Variants in LRCH2 observed in about 807,000 individuals in gnomAD.
LRCH2 encodes the protein leucine-rich repeat and calponin homology domain-containing protein 2.
LRCH2 carries 38 observed loss-of-function variants against 68.9 expected under a neutral mutation model. The observed-to-expected ratio is 0.55, with a 90% CI of 0.43 to 0.72. LRCH2 has a LOEUF of 0.72. Ranked by LOEUF, LRCH2 falls within the 30% of genes least tolerant of loss-of-function variation. LRCH2 has a pLI of 0.00. For synonymous variants in LRCH2, 191 were observed against 208.1 expected (o/e 0.92, Z 0.71); for missense variants, 528 against 572.9 (o/e 0.92, Z 0.80).
chrX:115,161,116 G>T (rs1347101086), intron 11 of LRCH2, among the ~76,000 whole-genome samples: 1 of 111,782 alleles, frequency 8.9e-6, no homozygotes, highest in Non-Finnish European at 1.9e-5. Context: ...ACTTTGGAAG[G>T]CCGAGGCGGG....
At chrX:115,228,571 T>G in intron 1 of LRCH2, among the ~76,000 whole-genome samples, 1 of 111,753 alleles carries the variant, frequency 8.9e-6, no homozygotes, top group Non-Finnish European at 1.9e-5. Flanking sequence ...AGTCTTCAAT[T>G]ATCTTTATTT....
Position 115,122,570 on chromosome X carries a change from A to G in LRCH2, c.2135T>C (p.Val712Ala). 1 of 1,210,840 alleles carries G rather than the reference A, an allele frequency of 8.3e-7. No individual in the cohort carries two copies. The highest frequency in any genetic ancestry group is 1.1e-6 in the Non-Finnish European group (1 of 895,019). Residue 712 changes from valine (V) to alanine (A), a missense_variant, in exon 20 of 21, where the codon GTA becomes GCA. Coordinates refer to ENST00000317135, the MANE Select transcript of LRCH2 (RefSeq NM_020871.4). ...KLSMAKCRRN[V>A]ENFLDACKKL... is the part of the protein sequence containing the mutation. ...TTTACAAGCATCAAGAAAATTTTCT[A>G]CATTTCTTCGACATTTTGCCATGCT...
intron 20 of LRCH2, among the ~76,000 whole-genome samples, chrX:115,114,027 C>T (rs2843490): frequency 0.057 from 6,335 of 110,548 alleles, 435 homozygotes; most frequent in African/African-American, 0.2. Context: ...TTTTTATTTC[C>T]TCCCAAGATC....
intron 1 of LRCH2, among the ~76,000 whole-genome samples, chrX:115,222,580 T>A (rs1436953134): frequency 8.9e-6 from 1 of 112,298 alleles, no homozygotes; most frequent in African/African-American, 3.2e-5. Flanking sequence ...AAAAATCAAT[T>A]GTATTTCTAC....
At chrX:115,212,639 A>G (rs2073015522) in intron 1 of LRCH2, among the ~76,000 whole-genome samples, 1 of 109,434 alleles carries the variant, frequency 9.1e-6, no homozygotes, top group Non-Finnish European at 1.9e-5. Context: ...AGCTGGGACT[A>G]CAAGCATGCA....
chrX:115,180,653 G>C (rs1181018080), intron 3 of LRCH2, among the ~76,000 whole-genome samples: 2 of 111,418 alleles, frequency 1.8e-5, no homozygotes, highest in African/African-American at 6.5e-5. Flanking sequence ...TAATAGCTTG[G>C]AGGGAGGAGA....
intron 20 of LRCH2, among the ~76,000 whole-genome samples, chrX:115,118,970 C>G (rs781814359): frequency 9.0e-6 from 1 of 111,492 alleles, no homozygotes; most frequent in East Asian, 2.8e-4. Context: ...ATTCAACAAC[C>G]CTTCATGCTA....
At chrX:115,149,983 C>T (rs782203347) in intron 13 of LRCH2, 39 bp downstream of exon 13, 2 of 1,149,467 alleles carry the variant, frequency 1.7e-6, no homozygotes, top group African/African-American at 3.6e-5. Context: ...TAAAAGAGAA[C>T]AAAATGATAG....
chrX:115,163,687 T>C lies in LRCH2; in HGVS notation c.1452A>G (p.Glu484=). 4 of 1,190,637 alleles carry C rather than the reference T, an allele frequency of 3.4e-6. No individual in the cohort carries two copies. Among genetic ancestry groups the C allele is most frequent in the Non-Finnish European group, 4.5e-6 (4 of 881,543 alleles). The change falls in exon 11 of 21, where the codon GAA becomes GAG. Residue 484 remains glutamate, a synonymous_variant. Transcript: ENST00000317135. ...ACTGAAAGGAATACCTGTTCTTCTG[T>C]TCTTGCTGCAATAACTGAGCAGCTA... ...RKIAAQLLQQ[E]QKNRILNHST... is the part of the protein sequence containing the mutation.
intron 2 of LRCH2, among the ~76,000 whole-genome samples, chrX:115,185,449 C>T (rs1432775652): frequency 8.9e-6 from 1 of 112,154 alleles, no homozygotes; most frequent in East Asian, 2.8e-4. Context: ...AACAGACTGA[C>T]TGACCCAAAG....
chrX:115,189,843 G>A (rs1556556488), intron 1 of LRCH2: 11 of 1,166,191 alleles, frequency 9.4e-6, no homozygotes, highest in Admixed American at 5.2e-5. Context: ...GCGGCTACGC[G>A]GGGTATTTCG....
chrX:115,221,625 A>G (rs1556573948), intron 1 of LRCH2, among the ~76,000 whole-genome samples: 1 of 112,061 alleles, frequency 8.9e-6, no homozygotes, highest in Non-Finnish European at 1.9e-5. Context: ...AAAAAGGGAA[A>G]TGCAAACAAA....
At chrX:115,135,206 T>G (rs1556531539) in intron 14 of LRCH2, among the ~76,000 whole-genome samples, 1 of 106,374 alleles carries the variant, frequency 9.4e-6, no homozygotes, top group East Asian at 3.0e-4. Context: ...ACTGCAGCCT[T>G]GACCTCCTGG....
Position 115,212,666 on chromosome X carries a change from T to A in LRCH2, c.349+21027A>T, listed in dbSNP as rs1166653524. Among the ~76,000 whole-genome samples the A allele has an allele frequency of 3.7e-5, 4 of 108,970 alleles. No homozygotes were observed. In the Admixed American group the frequency reaches 3.9e-4, roughly 11 times the overall value. 94.6% of individuals were successfully genotyped at this position (108,970 alleles called of 115,157 possible). ...AAGCATGCACCACCAAGCTTGGCTA[T>A]TTTTTTTAAGAGACAGGGTCTTGGG... On this transcript the variant is annotated intron_variant, in intron 1 of 20. Coordinates refer to ENST00000317135, the MANE Select transcript of LRCH2 (RefSeq NM_020871.4).
chrX:115,206,391 G>A (rs970805630), intron 1 of LRCH2, among the ~76,000 whole-genome samples: 1 of 112,149 alleles, frequency 8.9e-6, no homozygotes, highest in Non-Finnish European at 1.9e-5. Context: ...TGGCATTGAC[G>A]CCCACACTGG....
At chrX:115,198,084 T>C (rs1215132031) in intron 1 of LRCH2, among the ~76,000 whole-genome samples, 1 of 105,647 alleles carries the variant, frequency 9.5e-6, no homozygotes, top group East Asian at 3.0e-4. Flanking sequence ...TTTTTTATTA[T>C]ACTTTAAGTT....
chrX:115,217,508 T>C (rs781993595), intron 1 of LRCH2, among the ~76,000 whole-genome samples: 8 of 111,599 alleles, frequency 7.2e-5, no homozygotes, highest in Non-Finnish European at 1.3e-4. Flanking sequence ...GTTACTTTGC[T>C]GAGAATGATG....
intron 1 of LRCH2, chrX:115,192,939 C>T: frequency 3.5e-6 from 1 of 283,494 alleles, no homozygotes; most frequent in South Asian, 5.0e-5. Flanking sequence ...TGTAAATGTT[C>T]CTGATAAATG....
At chrX:115,166,053 C>T (rs1401043410) in intron 7 of LRCH2, 101 bp from the exon 8 acceptor site, 9 of 702,463 alleles carry the variant, frequency 1.3e-5, no homozygotes, top group Non-Finnish European at 1.9e-5. Context: ...GTCTGCTTTA[C>T]ATCTCCAGTT....
Sources: gnomAD v4.1 joint callset for allele counts (sites outside exome capture counted in the v4.1 genomes callset) on GRCh38, gnomAD v4.1.1 for gene constraint, MANE v1.5 for transcripts, NCBI Gene and HGNC (gene_info 2026-07-23, HGNC 2026-07-21) for gene names.